The following UGGT2 variants were observed in gnomAD, a reference collection of about 807,000 sequenced individuals.
The protein encoded by UGGT2 is UDP-glucose:glycoprotein glucosyltransferase 2.
In UGGT2, 180 loss-of-function variants were observed where a neutral mutation model predicts 192.1. The observed-to-expected ratio is 0.94, with a 90% confidence interval of 0.83 to 1.06. The LOEUF is 1.06. Ranked by LOEUF, UGGT2 falls within the 50% of genes least tolerant of loss-of-function variation. The probability of loss-of-function intolerance (pLI) is 0.00; values close to 1 mark genes in which losing one functional copy is unlikely to be tolerated. For missense variants in UGGT2, 1,849 were observed against 1,795.7 expected (o/e 1.03, Z -0.54); for synonymous variants, 580 against 591.0 (o/e 0.98, Z 0.27).
intron 34 of UGGT2, among the ~76,000 whole-genome samples, chr13:95,855,641 A>G (rs750584408): frequency 2.0e-5 from 3 of 151,918 alleles, no homozygotes; most frequent in Non-Finnish European, 2.9e-5. Context: ...TCCCCACCTC[A>G]GCCTCCAAAA....
intron 17 of UGGT2, among the ~76,000 whole-genome samples, chr13:95,927,779 G>C (rs1177143834): frequency 6.6e-6 from 1 of 152,086 alleles, no homozygotes; most frequent in African/African-American, 2.4e-5. Flanking sequence ...TGTGAACAAA[G>C]GTCTCTGGTT....
At chr13:95,855,908 T>TA (rs1317536368) in intron 34 of UGGT2, among the ~76,000 whole-genome samples, 29 of 152,160 alleles carry the variant, frequency 1.9e-4, no homozygotes, top group Non-Finnish European at 4.4e-5. Context: ...TTCTCAAATG[T>TA]AAAAAACTAC....
rs1051929458 is a variant in UGGT2 at position 95,877,951 on chromosome 13, A to T, written c.3229-95T>A. ...AATGTGATTATTTTAATATTGGCCAATGTATTTTGGTGGCTAACTTTAAGT... is the reference window on the plus strand; with the variant it reads ...AATGTGATTATTTTAATATTGGCCATTGTATTTTGGTGGCTAACTTTAAGT... On this transcript the variant is annotated intron_variant, in intron 27 of 38. Coordinates refer to ENST00000376747, the MANE Select transcript of UGGT2 (RefSeq NM_020121.4). 2.5e-5 allele frequency: 33 copies of T among 1,303,542 alleles called. No homozygotes were observed. In the East Asian group the frequency reaches 7.9e-4, roughly 31 times the overall value. The allele number at this position is 1,303,542 out of a possible 1,614,324, so 80.7% of individuals were successfully genotyped here.
intron 5 of UGGT2, among the ~76,000 whole-genome samples, chr13:96,002,692 C>T (rs1365557017): frequency 6.6e-6 from 1 of 152,108 alleles, no homozygotes; most frequent in Non-Finnish European, 1.5e-5. Flanking sequence ...ATAGCAATAA[C>T]TAACTCAAAA....
At chr13:95,826,103 A>G (rs896444165) in intron 38 of UGGT2, among the ~76,000 whole-genome samples, 5 of 152,242 alleles carry the variant, frequency 3.3e-5, no homozygotes, top group South Asian at 2.1e-4. Flanking sequence ...TTTATAATCT[A>G]TAAGTTGAAA....
intron 25 of UGGT2, among the ~76,000 whole-genome samples, chr13:95,888,614 T>C (rs905762803): frequency 7.2e-5 from 11 of 152,154 alleles, no homozygotes; most frequent in African/African-American, 2.7e-4. Flanking sequence ...TTTAAGAGAT[T>C]TGACTTTCAA....
rs9525087 is a variant in UGGT2, at chr13:95,928,359, A to G, written c.1978-1023T>C. ...GAGGGCTGCCCCCCACCTCCCGGAC[A>G]GGACGGCTGCCGGGCGGAGACGCTC... On this transcript the variant is annotated intron_variant, in intron 17 of 38. Coordinates refer to ENST00000376747, the MANE Select transcript of UGGT2 (RefSeq NM_020121.4). Among the ~76,000 whole-genome samples the G allele has an allele frequency of 5.8e-3, 491 of 83,988 alleles. 2 individuals carry two copies. Among genetic ancestry groups the G allele is most frequent in the Non-Finnish European group, 0.014 (394 of 28,240 alleles). 55.1% of individuals were successfully genotyped at this position (83,988 alleles called of 152,430 possible).
intron 1 of UGGT2, among the ~76,000 whole-genome samples, chr13:96,047,351 G>C (rs1343789793): frequency 6.6e-6 from 1 of 152,182 alleles, no homozygotes. Flanking sequence ...AGATACCCAG[G>C]CAAACAGGGT....
intron 24 of UGGT2, among the ~76,000 whole-genome samples, chr13:95,891,692 A>G (rs1238983715): frequency 6.6e-6 from 1 of 152,172 alleles, no homozygotes; most frequent in African/African-American, 2.4e-5. Context: ...ATCATGTAGG[A>G]AATATTTTTC....
chr13:96,020,897 T>C (rs116178176), intron 4 of UGGT2, among the ~76,000 whole-genome samples: 31 of 152,312 alleles, frequency 2.0e-4, no homozygotes, highest in African/African-American at 7.2e-4. Flanking sequence ...ATAGAAGACA[T>C]AAGACAGACT....
intron 33 of UGGT2, among the ~76,000 whole-genome samples, chr13:95,858,731 G>A (rs1477812228): frequency 6.6e-6 from 1 of 152,138 alleles, no homozygotes; most frequent in East Asian, 1.9e-4. Context: ...CTTATAGTAA[G>A]TTATTGAATC....
intron 17 of UGGT2, among the ~76,000 whole-genome samples, chr13:95,931,615 G>A (rs527979819): frequency 2.0e-4 from 31 of 152,222 alleles, no homozygotes; most frequent in African/African-American, 6.5e-4. Context: ...GACCCAGGGG[G>A]AGGCAGATGA....
At chr13:95,811,688 T>C (rs1162396722) in intron 38 of UGGT2, among the ~76,000 whole-genome samples, 2 of 152,022 alleles carry the variant, frequency 1.3e-5, no homozygotes, top group East Asian at 1.9e-4. Flanking sequence ...GGATTAATAA[T>C]ATATAATAGT....
intron 30 of UGGT2, among the ~76,000 whole-genome samples, chr13:95,866,287 T>TA (rs1462385574): frequency 1.3e-5 from 2 of 152,158 alleles, no homozygotes; most frequent in Admixed American, 6.5e-5. Context: ...TTAATTTCTT[T>TA]AAAAAAAGTA....
intron 15 of UGGT2, 41 bp downstream of exon 15, chr13:95,946,996 T>TG: frequency 6.7e-7 from 1 of 1,489,452 alleles, no homozygotes; most frequent in Non-Finnish European, 8.9e-7. Context: ...AATGCAAGAA[T>TG]TTTACCTTCT....
At chr13:95,846,310 AGGCACTC>A (rs1236147150) in intron 36 of UGGT2, among the ~76,000 whole-genome samples, 1 of 151,816 alleles carries the variant, frequency 6.6e-6, no homozygotes, top group Non-Finnish European at 1.5e-5. Context: ...CTGCAATCCC[AGGCACTC>A]GGCAGGCTGA....
chr13:96,045,150 G>A (rs1475975141), intron 1 of UGGT2, among the ~76,000 whole-genome samples: 1 of 152,046 alleles, frequency 6.6e-6, no homozygotes, highest in Non-Finnish European at 1.5e-5. Flanking sequence ...CCACCATTAT[G>A]AAGTGGGTTT....
chr13:95,993,778 T>C (rs2051530022), intron 7 of UGGT2, among the ~76,000 whole-genome samples: 2 of 152,246 alleles, frequency 1.3e-5, no homozygotes, highest in South Asian at 4.1e-4. Context: ...ATGACTGTAA[T>C]ACTAAACAAG....
At chr13:95,854,521 T>C in intron 34 of UGGT2, 46 bp from the exon 35 acceptor site, 1 of 1,478,002 alleles carries the variant, frequency 6.8e-7, no homozygotes, top group African/African-American at 1.4e-5. Flanking sequence ...TAAAATAACA[T>C]AAGCCCTTTT....
Sources: gnomAD v4.1 joint callset for allele counts (sites outside exome capture counted in the v4.1 genomes callset) on GRCh38, gnomAD v4.1.1 for gene constraint, MANE v1.5 for transcripts, NCBI Gene and HGNC (gene_info 2026-07-23, HGNC 2026-07-21) for gene names.